Variants in BIRC6 observed in about 807,000 individuals in gnomAD.
The protein encoded by BIRC6 is dual E2 ubiquitin-conjugating enzyme/E3 ubiquitin-protein ligase BIRC6.
A neutral mutation model predicts 503.3 loss-of-function variants in BIRC6; 98 were observed. The ratio of observed to expected loss-of-function variants is 0.19; its 90% CI spans 0.17 to 0.23. BIRC6 has a LOEUF of 0.23. BIRC6 is among the 10% of genes least tolerant of loss of function. The pLI, the probability that BIRC6 is intolerant of heterozygous loss-of-function variation, is 1.00. For synonymous variants in BIRC6, 2,240 were observed against 2,078.7 expected (o/e 1.08, Z -2.11); for missense variants, 5,360 against 5,806.0 (o/e 0.92, Z 2.50).
At chr2:32,388,555 T>A (rs1359705533) in intron 3 of BIRC6, among the ~76,000 whole-genome samples, 195 bp from the exon 4 acceptor site, 1 of 152,210 alleles carries the variant, frequency 6.6e-6, no homozygotes, top group Non-Finnish European at 1.5e-5. Flanking sequence ...GATACTTAGA[T>A]TGGTTCCATA....
chr2:32,539,898 TATGAA>T (rs1319210230), intron 61 of BIRC6, among the ~76,000 whole-genome samples: 1 of 151,994 alleles, frequency 6.6e-6, no homozygotes, highest in African/African-American at 2.4e-5. Flanking sequence ...ATTGATAAAC[TATGAA>T]AAATTTTCAA....
intron 27 of BIRC6, 63 bp from the exon 28 acceptor site, chr2:32,467,840 C>T: frequency 6.9e-7 from 1 of 1,454,480 alleles, no homozygotes; most frequent in Non-Finnish European, 9.3e-7. Context: ...TTTTTAAATA[C>T]ATTGCTCAGA....
intron 73 of BIRC6, among the ~76,000 whole-genome samples, chr2:32,612,038 G>C (rs993606373): frequency 6.6e-6 from 1 of 152,024 alleles, no homozygotes; most frequent in Non-Finnish European, 1.5e-5. Flanking sequence ...ACAGTGCCCA[G>C]TTAAATTTTT....
chr2:32,401,708 G>A, intron 8 of BIRC6, 85 bp downstream of exon 8: 23 of 1,251,546 alleles, frequency 1.8e-5, no homozygotes, highest in Admixed American at 8.2e-5. Flanking sequence ...TAATTAAAGA[G>A]GAGGAAAAAA....
At chr2:32,548,893 T>C (rs1200197087) in intron 64 of BIRC6, 1 of 153,396 alleles carries the variant, frequency 6.5e-6, no homozygotes, top group Non-Finnish European at 1.5e-5. Context: ...AAAGGTTAGC[T>C]TTGCTTCCTG....
intron 61 of BIRC6, chr2:32,532,017 C>T: frequency 2.1e-6 from 1 of 471,906 alleles, no homozygotes; most frequent in Non-Finnish European, 4.2e-6. Context: ...CTGTCAATGT[C>T]TGTGCTTTCC....
Position 32,471,038 on chromosome 2 carries a change from G to C in BIRC6, c.6506G>C (p.Ser2169Thr), listed in dbSNP as rs2049042187. The change falls in exon 32 of 74, where the codon AGT (serine) becomes ACT (threonine). Residue 2169 changes from serine to threonine, a missense_variant. Transcript: ENST00000421745. ...GGAGTACTAGATATTCCCATGATCA[G>C]TTGGGTTGTTATGCTGGTGTCCAGG... is the stretch of plus-strand genomic sequence containing the variant. The part of the protein sequence containing the change: ...TEGVLDIPMI[S>T]WVVMLVSRLL... The C allele has an allele frequency of 6.3e-7, 1 of 1,577,764 alleles. No homozygotes were observed. Among genetic ancestry groups the C allele is most frequent in the African/African-American group, 1.3e-5 (1 of 74,576 alleles).
intron 73 of BIRC6, among the ~76,000 whole-genome samples, chr2:32,617,035 G>T (rs2063290702): frequency 6.6e-6 from 1 of 152,202 alleles, no homozygotes; most frequent in African/African-American, 2.4e-5. Context: ...GGTTGAGGCT[G>T]CATGAGCTGT....
At chr2:32,578,160 A>C (rs1272449716) in intron 66 of BIRC6, among the ~76,000 whole-genome samples, 1 of 152,158 alleles carries the variant, frequency 6.6e-6, no homozygotes, top group Non-Finnish European at 1.5e-5. Flanking sequence ...TCTACTTTCA[A>C]GGTTTACCAT....
chr2:32,521,538 G>C (rs62136327), intron 57 of BIRC6, among the ~76,000 whole-genome samples: 54,911 of 151,400 alleles, frequency 0.36, 10,460 homozygotes, highest in Non-Finnish European at 0.43. Flanking sequence ...GCGCGATCTC[G>C]GCTCACTGCA....
intron 39 of BIRC6, among the ~76,000 whole-genome samples, chr2:32,482,987 A>G (rs980089501): frequency 6.7e-6 from 1 of 149,766 alleles, no homozygotes; most frequent in African/African-American, 2.5e-5. Context: ...ATGTGATCCC[A>G]TCTCACCGCA....
intron 57 of BIRC6, chr2:32,522,828 G>A (rs1010263541): frequency 6.6e-6 from 1 of 152,188 alleles, no homozygotes; most frequent in Admixed American, 6.5e-5. Context: ...AAGTCTTGAA[G>A]ACCCTGTATA....
At chr2:32,464,239 C>T (rs923654705) in intron 24 of BIRC6, among the ~76,000 whole-genome samples, 1 of 152,132 alleles carries the variant, frequency 6.6e-6, no homozygotes. Context: ...GCAGATATTC[C>T]TTATTTACAT....
At position 32,448,894 on chromosome 2, in the gene BIRC6, G is replaced by A; in HGVS notation, c.4584G>A (p.Gln1528=). Residue 1528 remains glutamine (Q), a synonymous_variant, in exon 22 of 74, where the codon CAG becomes CAA. Transcript: ENST00000421745. The part of the protein sequence containing the change: ...KNVYNSSIGV[Q]SDEIDLSDVL... ...TTTATAACAGCAGCATTGGTGTCCA[G>A]TCAGATGAAATTGATTTATCAGATG... 4 of 1,613,282 alleles carry A rather than the reference G, an allele frequency of 2.5e-6. No individual in the cohort carries two copies. The highest frequency in any genetic ancestry group is 3.4e-6 in the Non-Finnish European group (4 of 1,179,624).
chr2:32,392,658 T>C (rs1433208271), intron 5 of BIRC6, among the ~76,000 whole-genome samples: 1 of 152,216 alleles, frequency 6.6e-6, no homozygotes, highest in African/African-American at 2.4e-5. Flanking sequence ...GGTCTCACTC[T>C]GTTGCCCACG....
intron 65 of BIRC6, among the ~76,000 whole-genome samples, chr2:32,562,482 C>T (rs553428018): frequency 7.9e-5 from 12 of 152,286 alleles, no homozygotes; most frequent in Non-Finnish European, 1.5e-4. Flanking sequence ...AATTCGAGTT[C>T]GCTCTTTATG....
chr2:32,544,839 T>G (rs1559020965), intron 62 of BIRC6, among the ~76,000 whole-genome samples: 1 of 152,050 alleles, frequency 6.6e-6, no homozygotes, highest in Admixed American at 6.5e-5. Context: ...GTATTTATTT[T>G]AGTAGGTCAG....
chr2:32,593,897 C>A lies in BIRC6; in HGVS notation c.13356-18C>A. 1 of 1,600,306 alleles carries A rather than the reference C, an allele frequency of 6.2e-7. No individual in the cohort carries two copies. The highest frequency in any genetic ancestry group is 1.7e-5 in the Admixed American group (1 of 58,036). On this transcript the variant is annotated intron_variant, in intron 66 of 73. Coordinates refer to ENST00000421745, the MANE Select transcript of BIRC6 (RefSeq NM_016252.4). ...TCTTAATTTTCCTTGCTTTTCTTTC[C>A]ATATTAAAAAAATTCAGATCTAAAA...
At chr2:32,465,904 C>T (rs563598441) in intron 26 of BIRC6, among the ~76,000 whole-genome samples, 34 of 141,788 alleles carry the variant, frequency 2.4e-4, no homozygotes, top group Non-Finnish European at 4.6e-4. Flanking sequence ...AAAAGTCTTA[C>T]AGTATTTTCT....
Sources: allele counts gnomAD v4.1 joint callset (sites outside exome capture counted in the v4.1 genomes callset), GRCh38; gene constraint gnomAD v4.1.1; transcripts MANE v1.5; gene names NCBI Gene and HGNC (gene_info 2026-07-23, HGNC 2026-07-21).